Variants in CHID1 observed in about 807,000 individuals in gnomAD.
CHID1 encodes chitinase domain-containing protein 1.
Under a neutral mutation model 55.4 loss-of-function variants are expected in CHID1, and 44 were observed. The ratio of observed to expected loss-of-function variants is 0.79; its 90% CI spans 0.62 to 1.02. CHID1 has a LOEUF of 1.02. Ranked by LOEUF, CHID1 falls within the 50% of genes least tolerant of loss-of-function variation. The probability of loss-of-function intolerance (pLI) is 0.00; values close to 1 mark genes in which losing one functional copy is unlikely to be tolerated. For synonymous variants in CHID1, 216 were observed against 212.9 expected, an observed-to-expected ratio of 1.01 and a Z score of -0.13; for missense variants, 491 against 515.3, an observed-to-expected ratio of 0.95 and a Z score of 0.46.
intron 10 of CHID1, among the ~76,000 whole-genome samples, chr11:880,029 A>G (rs1349954124): frequency 6.6e-6 from 1 of 152,226 alleles, no homozygotes; most frequent in African/African-American, 2.4e-5. Context: ...GCCCCAACTG[A>G]AAGAACAGAC....
Position 870,435 on chromosome 11 carries a change from A to C in CHID1, c.1024T>G (p.Phe342Val), listed in dbSNP as rs1417546339. The C allele has an allele frequency of 1.2e-6, 2 of 1,611,774 alleles. No homozygotes were observed. The highest frequency in any genetic ancestry group is 3.3e-5 in the Admixed American group (2 of 59,894). The change falls in exon 11 of 13, where the codon TTC becomes GTC. Residue 342 changes from phenylalanine (F) to valine (V), a missense_variant. Transcript: ENST00000323578. ...MVWDSQASEH[F>V]FEYKKSRSGR... ...AACACTCACTTCTTGTACTCGAAGA[A>C]GTGCTCTGAGGCCTGGCTGTCCCAC...
chr11:913,770 TAA>T (rs1243207603), upstream of CHID1, among the ~76,000 whole-genome samples: 2 of 115,028 alleles, frequency 1.7e-5, no homozygotes, highest in Non-Finnish European at 3.7e-5. Context: ...GAGACTCTGT[TAA>T]AAAAAAAAAA....
chr11:903,816 C>T, intron 2 of CHID1: 1 of 197,440 alleles, frequency 5.1e-6, no homozygotes. Context: ...CAGGCACACG[C>T]CACCATGCTG....
At chr11:894,985 G>A (rs1851154774) in intron 7 of CHID1, among the ~76,000 whole-genome samples, 1 of 152,192 alleles carries the variant, frequency 6.6e-6, no homozygotes, top group African/African-American at 2.4e-5. Flanking sequence ...CCTCAGTGGG[G>A]AGCAGTGTCT....
At chr11:886,218 G>A (rs1034551243) in intron 8 of CHID1, among the ~76,000 whole-genome samples, 9 of 151,484 alleles carry the variant, frequency 5.9e-5, no homozygotes, top group Non-Finnish European at 4.4e-5. Context: ...CCAGCATTTG[G>A]GGAGGCTGAG....
chr11:902,208 G>A lies in CHID1; in HGVS notation c.384C>T (p.Asp128=), dbSNP rs147635775. 1.9e-3 allele frequency: 3,021 copies of A among 1,613,926 alleles called. 20 individuals carry two copies. Among genetic ancestry groups the A allele is most frequent in the Middle Eastern group, 0.013 (81 of 6,062 alleles). The change falls in exon 4 of 13, where the codon GAC becomes GAT. Residue 128 remains aspartate (D), a synonymous_variant. Coordinates refer to ENST00000323578, the MANE Select transcript of CHID1 (RefSeq NM_023947.4). ...AGGAAGGATGAGAACCTTGGTCCAC[G>A]TCGTGGAGGCCCGTGACCTCAAACA... ...REMFEVTGLH[D]VDQGWMRAVR...
upstream of CHID1, among the ~76,000 whole-genome samples, chr11:912,717 G>A (rs975672466): frequency 6.6e-6 from 1 of 151,514 alleles, no homozygotes; most frequent in Non-Finnish European, 1.5e-5. Context: ...AGTGGCGGGC[G>A]CCCGTAGTCC....
intron 3 of CHID1, among the ~76,000 whole-genome samples, chr11:902,661 C>G (rs540624077): frequency 8.2e-6 from 1 of 121,750 alleles, no homozygotes; most frequent in Non-Finnish European, 2.0e-5. Context: ...CCACCCCTCC[C>G]TGGCCCAGGG....
At position 883,268 on chromosome 11, in the gene CHID1, G is replaced by T. The variant is rs1426407248; in HGVS notation, c.839C>A (p.Ala280Asp). 1.2e-6 allele frequency: 2 copies of T among 1,613,964 alleles called. No homozygotes were observed. The highest frequency in any genetic ancestry group is 2.7e-5 in the African/African-American group (2 of 74,934). Residue 280 changes from alanine (A) to aspartate (D), a missense_variant, in exon 10 of 13, where the codon GCC becomes GAC. Transcript: ENST00000323578. ...GPNAPLSWVRACVQVLDPKSK... is the reference protein window; with the variant it reads ...GPNAPLSWVRDCVQVLDPKSK... ...CTTCGGGTCCAGGACCTGGACGCAGGCTCGAACCCAGGACAGGGGTGCATT... is the reference window on the plus strand; with the variant it reads ...CTTCGGGTCCAGGACCTGGACGCAGTCTCGAACCCAGGACAGGGGTGCATT...
At chr11:904,905 A>G (rs778805787) in intron 1 of CHID1, 46 bp from the exon 2 acceptor site, 2 of 1,597,304 alleles carry the variant, frequency 1.3e-6, no homozygotes, top group South Asian at 1.1e-5. Context: ...AGAGAAATGC[A>G]GCACATGGGC....
Position 883,207 on chromosome 11 carries a change from G to A in CHID1, c.900C>T (p.Asn300=), listed in dbSNP as rs1166747013. ...AGGTCGCGTAGTCCATACCATAGAA[G>A]TTGAGCCCCAGGAGGATTTTGCTTC... ...KWRSKILLGL[N]FYGMDYATSK... Residue 300 remains asparagine (N), a synonymous_variant, in exon 10 of 13, where the codon AAC becomes AAT. Coordinates refer to ENST00000323578, the MANE Select transcript of CHID1 (RefSeq NM_023947.4). 3 of 1,614,210 alleles carry A rather than the reference G, an allele frequency of 1.9e-6. No homozygotes were observed. Among genetic ancestry groups the A allele is most frequent in the African/African-American group, 1.3e-5 (1 of 75,068 alleles).
At chr11:898,942 A>T (rs1159000124) in intron 7 of CHID1, among the ~76,000 whole-genome samples, 1 of 152,182 alleles carries the variant, frequency 6.6e-6, no homozygotes, top group African/African-American at 2.4e-5. Context: ...GGACACCCCC[A>T]GGAAGGCTCC....
chr11:899,747 T>C (rs1162945790), intron 6 of CHID1, among the ~76,000 whole-genome samples: 1 of 152,204 alleles, frequency 6.6e-6, no homozygotes, highest in African/African-American at 2.4e-5. Flanking sequence ...GCAGCTGGGC[T>C]TTGCCCAAGG....
upstream of CHID1, chr11:914,854 C>T (rs199667310): frequency 1.5e-5 from 5 of 330,836 alleles, no homozygotes; most frequent in East Asian, 3.7e-4. Context: ...CTGGGCGACT[C>T]CTCATTTGCA....
chr11:870,337 C>T (rs562777391), intron 11 of CHID1, 82 bp downstream of exon 11: 1 of 1,355,512 alleles, frequency 7.4e-7, no homozygotes, highest in South Asian at 1.2e-5. Context: ...ACCCCCTGGG[C>T]CCTGCTGCTC....
At chr11:909,226 A>G (rs1852456523) in intron 1 of CHID1, among the ~76,000 whole-genome samples, 1 of 152,156 alleles carries the variant, frequency 6.6e-6, no homozygotes, top group African/African-American at 2.4e-5. Context: ...GACACTCTCC[A>G]TCATGCTCTT....
intron 10 of CHID1, among the ~76,000 whole-genome samples, chr11:879,008 G>T (rs536652677): frequency 2.6e-5 from 4 of 152,068 alleles, no homozygotes; most frequent in African/African-American, 9.7e-5. Flanking sequence ...CACCACGCCC[G>T]GCTAATTTTT....
chr11:897,590 G>A (rs2134286297), intron 7 of CHID1, among the ~76,000 whole-genome samples: 1 of 152,320 alleles, frequency 6.6e-6, no homozygotes, highest in South Asian at 2.1e-4. Context: ...CTCCGGCAAA[G>A]CTGGGGCCCC....
chr11:902,376 C>T, intron 3 of CHID1, 46 bp from the exon 4 acceptor site: 1 of 1,594,796 alleles, frequency 6.3e-7, no homozygotes, highest in Non-Finnish European at 8.6e-7. Flanking sequence ...TGAGTGAGCA[C>T]CTGTCTCACC....
Sources: allele counts gnomAD v4.1 joint callset (sites outside exome capture counted in the v4.1 genomes callset), GRCh38; gene constraint gnomAD v4.1.1; transcripts MANE v1.5; gene names NCBI Gene and HGNC (gene_info 2026-07-23, HGNC 2026-07-21).